The following ME3 variants were observed in gnomAD, a reference collection of about 807,000 sequenced individuals.
The protein encoded by ME3 is malic enzyme 3, also known as NADP-dependent malic enzyme, mitochondrial.
ME3 carries 48 observed loss-of-function variants against 68.9 expected under a neutral mutation model. The observed-to-expected ratio is 0.70, with a 90% CI of 0.55 to 0.89. ME3 has a LOEUF of 0.89. Ranked by LOEUF, ME3 falls within the 40% of genes least tolerant of loss-of-function variation. The pLI is 0.00. For missense variants in ME3, 675 were observed against 797.4 expected (o/e 0.85, Z 1.85); for synonymous variants, 320 against 318.8 (o/e 1.00, Z -0.04).
At chr11:86,627,326 A>T (rs561749885) in intron 2 of ME3, among the ~76,000 whole-genome samples, 3 of 152,282 alleles carry the variant, frequency 2.0e-5, no homozygotes, top group African/African-American at 7.2e-5. Flanking sequence ...AACAAATCTC[A>T]ATTTCTCATT....
At chr11:86,652,056 A>T (rs932818291) in intron 2 of ME3, among the ~76,000 whole-genome samples, 1 of 152,200 alleles carries the variant, frequency 6.6e-6, no homozygotes, top group Admixed American at 6.5e-5. Context: ...AAGGAATAAA[A>T]AGAAATGAAC....
At chr11:86,653,910 G>C (rs1488678184) in intron 2 of ME3, among the ~76,000 whole-genome samples, 1 of 152,030 alleles carries the variant, frequency 6.6e-6, no homozygotes, top group Non-Finnish European at 1.5e-5. Context: ...ATGATAAAGG[G>C]TATATCACCA....
chr11:86,544,801 C>T (rs534496648), intron 4 of ME3, among the ~76,000 whole-genome samples: 1 of 152,340 alleles, frequency 6.6e-6, no homozygotes, highest in African/African-American at 2.4e-5. Context: ...CTCCCTAACT[C>T]ATTTTATGAG....
chr11:86,506,725 A>C (rs948168471), intron 5 of ME3, among the ~76,000 whole-genome samples: 1 of 152,206 alleles, frequency 6.6e-6, no homozygotes, highest in African/African-American at 2.4e-5. Flanking sequence ...GTAAGCATCT[A>C]CTGAGTGCCT....
intron 2 of ME3, among the ~76,000 whole-genome samples, chr11:86,635,342 T>A (rs1024330156): frequency 6.6e-6 from 1 of 152,206 alleles, no homozygotes; most frequent in African/African-American, 2.4e-5. Flanking sequence ...TGTGGCTGTC[T>A]GCAAGCCAGG....
chr11:86,448,167 T>C, exon 11 of ME3: 2 of 1,613,636 alleles, frequency 1.2e-6, no homozygotes, highest in Non-Finnish European at 1.7e-6. Flanking sequence ...GGCTGTGGGC[T>C]TCACCAGCCT....
At chr11:86,578,776 A>G (rs1328751044) in intron 2 of ME3, among the ~76,000 whole-genome samples, 2 of 152,120 alleles carry the variant, frequency 1.3e-5, no homozygotes, top group East Asian at 3.9e-4. Flanking sequence ...TTTGGACTGA[A>G]TTTGTAACAA....
At chr11:86,547,984 G>A (rs144831415) in intron 4 of ME3, among the ~76,000 whole-genome samples, 18 of 152,334 alleles carry the variant, frequency 1.2e-4, no homozygotes, top group Admixed American at 7.2e-4. Context: ...TCCTGTTCTA[G>A]TTAATAAAGT....
At chr11:86,462,263 A>G (rs1950258843) in intron 8 of ME3, among the ~76,000 whole-genome samples, 1 of 152,190 alleles carries the variant, frequency 6.6e-6, no homozygotes, top group South Asian at 2.1e-4. Flanking sequence ...TCACAGATGA[A>G]CTGTGTAGCC....
At chr11:86,565,338 A>T (rs1957430597) in intron 2 of ME3, among the ~76,000 whole-genome samples, 1 of 152,234 alleles carries the variant, frequency 6.6e-6, no homozygotes, top group Admixed American at 6.5e-5. Context: ...AAAAAGCTGA[A>T]CATAGAATTA....
At chr11:86,528,613 A>G (rs564090749) in intron 4 of ME3, among the ~76,000 whole-genome samples, 1 of 152,024 alleles carries the variant, frequency 6.6e-6, no homozygotes, top group South Asian at 2.1e-4. Context: ...GAAGTAAAGC[A>G]CTCCTCAGCA....
At chr11:86,610,670 G>A (rs184967414) in intron 2 of ME3, among the ~76,000 whole-genome samples, 1 of 151,048 alleles carries the variant, frequency 6.6e-6, no homozygotes, top group African/African-American at 2.4e-5. Context: ...TGGGGTTGGG[G>A]GGTGGCTCTT....
At chr11:86,664,193 A>G (rs1946454023) in intron 2 of ME3, among the ~76,000 whole-genome samples, 1 of 152,230 alleles carries the variant, frequency 6.6e-6, no homozygotes, top group Non-Finnish European at 1.5e-5. Flanking sequence ...TGAAAAGAAA[A>G]TGGAACATTA....
intron 8 of ME3, among the ~76,000 whole-genome samples, chr11:86,454,817 A>G (rs1949826010): frequency 6.6e-6 from 1 of 152,210 alleles, no homozygotes; most frequent in Admixed American, 6.5e-5. Context: ...ACAAAATACT[A>G]ATGGTTGCAG....
intron 4 of ME3, among the ~76,000 whole-genome samples, chr11:86,513,987 G>A (rs1030599872): frequency 3.9e-5 from 6 of 152,170 alleles, no homozygotes; most frequent in South Asian, 2.1e-4. Flanking sequence ...TAATCCCCAC[G>A]TGTGAAGGGA....
intron 2 of ME3, among the ~76,000 whole-genome samples, chr11:86,582,467 A>T (rs1958494914): frequency 6.6e-6 from 1 of 152,142 alleles, no homozygotes; most frequent in Non-Finnish European, 1.5e-5. Context: ...AGAAAGATAA[A>T]AGTCCTGTAC....
At chr11:86,578,448 G>A (rs187092138) in intron 2 of ME3, among the ~76,000 whole-genome samples, 1 of 152,242 alleles carries the variant, frequency 6.6e-6, no homozygotes, top group Admixed American at 6.5e-5. Flanking sequence ...TCTCAGAATA[G>A]GCACTGTACA....
intron 10 of ME3, among the ~76,000 whole-genome samples, chr11:86,448,541 G>A (rs1949452640): frequency 6.6e-6 from 1 of 152,094 alleles, no homozygotes; most frequent in African/African-American, 2.4e-5. Context: ...TGGCTTCCTG[G>A]GCCAGGACAG....
the ME3 span, chr11:86,434,983 A>C: frequency 1.3e-5 from 2 of 152,368 alleles, no homozygotes; most frequent in East Asian, 3.9e-4. Flanking sequence ...CAGATCAAGT[A>C]GACAAAAATC....
Sources: allele counts gnomAD v4.1 joint callset (sites outside exome capture counted in the v4.1 genomes callset), GRCh38; gene constraint gnomAD v4.1.1; transcripts MANE v1.5; gene names NCBI Gene and HGNC (gene_info 2026-07-23, HGNC 2026-07-21).